ARL8B: variants seen among roughly 807,000 people sequenced by gnomAD.
ARL8B encodes ADP-ribosylation factor-like protein 8B.
Under a neutral mutation model 30.6 loss-of-function variants are expected in ARL8B, and 9 were observed. The ratio of observed to expected loss-of-function variants is 0.29; its 90% CI spans 0.18 to 0.51. ARL8B has a LOEUF of 0.51. ARL8B is among the 20% of genes least tolerant of loss of function. The pLI, the probability that ARL8B is intolerant of heterozygous loss-of-function variation, is 0.97. For synonymous variants in ARL8B, 74 were observed against 76.0 expected, an observed-to-expected ratio of 0.97 and a Z score of 0.14; for missense variants, 130 against 227.2, an observed-to-expected ratio of 0.57 and a Z score of 2.75.
Position 5,122,459 on chromosome 3 carries a change from C to T in ARL8B, c.-7C>T. On this transcript the variant is annotated 5_prime_UTR_variant, in exon 1 of 7. Transcript: ENST00000256496. ...CCTCCCGTCCGTTCTCGCTCCCGGC[C>T]GCCATCATGCTGGCGCTCATCTCCC... is the stretch of plus-strand genomic sequence containing the variant. 1 of 1,612,840 alleles carries T rather than the reference C, an allele frequency of 6.2e-7. No homozygotes were observed.
At chr3:5,176,996 G>A (rs1037993768) in intron 6 of ARL8B, among the ~76,000 whole-genome samples, 4 of 152,164 alleles carry the variant, frequency 2.6e-5, no homozygotes, top group African/African-American at 7.2e-5. Context: ...AATGTCAGTT[G>A]TGGCAAGGTT....
rs1362192821 is a variant in ARL8B at position 5,141,726 on chromosome 3, C to A, written c.123+19138C>A. 2.0e-5 allele frequency among the ~76,000 whole-genome samples: 3 copies of A among 152,176 alleles called. No homozygotes were observed. The East Asian group carries it at 5.8e-4, about 29-fold the overall frequency. ...TGTTGGGAATGAAAGTATAACGTTTCCCACCCAGCATAACACTTACACCCC... is the reference window on the plus strand; with the variant it reads ...TGTTGGGAATGAAAGTATAACGTTTACCACCCAGCATAACACTTACACCCC... On this transcript the variant is annotated intron_variant, in intron 1 of 6. Transcript: ENST00000256496.
intron 1 of ARL8B, among the ~76,000 whole-genome samples, chr3:5,143,085 C>G (rs1480099493): frequency 1.3e-5 from 2 of 152,206 alleles, no homozygotes; most frequent in Non-Finnish European, 2.9e-5. Flanking sequence ...TGTTTATTCA[C>G]TTGTGAGAAC....
At chr3:5,156,916 A>G (rs375215715) in intron 1 of ARL8B, 1 of 151,292 alleles carries the variant, frequency 6.6e-6, no homozygotes, top group African/African-American at 2.4e-5. Context: ...ATGATTCTTC[A>G]TATGTTCAGT....
In ARL8B at chr3:5,138,646, A is replaced by G. The variant is rs1001830520; in HGVS notation, c.123+16058A>G. ...AGCATTCCTGTCACTCCAACTTCTT[A>G]CTGCGCTTACTGCACCTGCCACACT... On this transcript the variant is annotated intron_variant, in intron 1 of 6. Transcript: ENST00000256496. Among the ~76,000 whole-genome samples the G allele has an allele frequency of 4.6e-5, 7 of 152,158 alleles. No individual in the cohort carries two copies. The South Asian group carries it at 8.3e-4, about 18-fold the overall frequency.
At chr3:5,144,494 C>A (rs1360229396) in intron 1 of ARL8B, among the ~76,000 whole-genome samples, 1 of 152,204 alleles carries the variant, frequency 6.6e-6, no homozygotes, top group African/African-American at 2.4e-5. Context: ...CCTGGGGTCC[C>A]CATTGACTCC....
chr3:5,122,494 A>G lies in ARL8B; in HGVS notation c.29A>G (p.Asp10Gly). 5 of 1,613,562 alleles carry G rather than the reference A, an allele frequency of 3.1e-6. No homozygotes were observed. Among genetic ancestry groups the G allele is most frequent in the Non-Finnish European group, 3.4e-6 (4 of 1,179,746 alleles). Reference sequence around the variant, plus strand: ...CTGGCGCTCATCTCCCGCCTGCTGGACTGGTTCCGTTCGCTCTTCTGGAAG... The same window carrying G: ...CTGGCGCTCATCTCCCGCCTGCTGGGCTGGTTCCGTTCGCTCTTCTGGAAG... MLALISRLL[D>G]WFRSLFWKEE... Residue 10 changes from aspartate to glycine, a missense_variant, in exon 1 of 7, where the codon GAC (aspartate) becomes GGC (glycine). Transcript: ENST00000256496.
At chr3:5,146,598 T>G (rs2054420965) in intron 1 of ARL8B, among the ~76,000 whole-genome samples, 1 of 152,170 alleles carries the variant, frequency 6.6e-6, no homozygotes, top group East Asian at 1.9e-4. Flanking sequence ...TAGGGATTAT[T>G]TTGTCTTTCT....
chr3:5,152,321 T>G (rs1419189665), intron 1 of ARL8B, among the ~76,000 whole-genome samples: 2 of 152,238 alleles, frequency 1.3e-5, no homozygotes, highest in African/African-American at 4.8e-5. Context: ...CCTTTTATTA[T>G]GTAATGTCCC....
intron 1 of ARL8B, among the ~76,000 whole-genome samples, chr3:5,133,558 C>T (rs1479888537): frequency 3.9e-5 from 6 of 152,058 alleles, no homozygotes; most frequent in African/African-American, 1.4e-4. Flanking sequence ...TATGGTTGTA[C>T]CATCAGCAAA....
chr3:5,134,288 G>A (rs1207533003), intron 1 of ARL8B, among the ~76,000 whole-genome samples: 1 of 152,180 alleles, frequency 6.6e-6, no homozygotes, highest in Non-Finnish European at 1.5e-5. Context: ...TTGCTGTTGG[G>A]CTATCTTGAT....
chr3:5,148,871 G>A (rs1224593240), intron 1 of ARL8B, among the ~76,000 whole-genome samples: 1 of 152,132 alleles, frequency 6.6e-6, no homozygotes, highest in East Asian at 1.9e-4. Context: ...GGACTATCTG[G>A]GGGAATGTCA....
intron 1 of ARL8B, among the ~76,000 whole-genome samples, chr3:5,132,763 T>C (rs963950011): frequency 6.6e-6 from 1 of 152,132 alleles, no homozygotes; most frequent in Non-Finnish European, 1.5e-5. Context: ...GTGCAAGGCA[T>C]TGTGATAGAT....
In ARL8B at chr3:5,122,510, C is replaced by G. The variant is rs751884170; in HGVS notation, c.45C>G (p.Leu15=). 6.2e-7 allele frequency: 1 copy of G among 1,613,712 alleles called. No homozygotes were observed. Among genetic ancestry groups the G allele is most frequent in the African/African-American group, 1.3e-5 (1 of 75,040 alleles). The part of the protein sequence containing the change: ...ISRLLDWFRS[L]FWKEEMELTL... ...GCCTGCTGGACTGGTTCCGTTCGCTCTTCTGGAAGGAAGAGATGGAGCTGA... is the reference window on the plus strand; with the variant it reads ...GCCTGCTGGACTGGTTCCGTTCGCTGTTCTGGAAGGAAGAGATGGAGCTGA... The change falls in exon 1 of 7, where the codon CTC becomes CTG. Residue 15 remains leucine (L), a synonymous_variant. Coordinates refer to ENST00000256496, the MANE Select transcript of ARL8B (RefSeq NM_018184.3).
At chr3:5,177,459 CTTT>C (rs781220638) in intron 6 of ARL8B, among the ~76,000 whole-genome samples, 17 of 139,242 alleles carry the variant, frequency 1.2e-4, no homozygotes, top group Admixed American at 3.6e-4. Context: ...TAGTGAATTT[CTTT>C]TTTTTTTTTT....
chr3:5,172,141 G>C lies in ARL8B; in HGVS notation c.205-9G>C, dbSNP rs983803728. ...TCTTTATTAAGAATTGCCTTGTTTT[G>C]ATTTAAAGATCTGGGACATAGGAGG... is the stretch of plus-strand genomic sequence containing the variant. On this transcript the variant is annotated splice_polypyrimidine_tract_variant and intron_variant, in intron 2 of 6. Transcript: ENST00000256496. 2.5e-6 allele frequency: 4 copies of C among 1,609,818 alleles called. No individual in the cohort carries two copies. In the African/African-American group the frequency reaches 5.4e-5, roughly 22 times the overall value.
In ARL8B at chr3:5,172,756, T is replaced by C; in HGVS notation, c.372+16T>C. ...AGGAATTCCAGTAAGTATGGAATACTTGTTATTTTACATTGTAATTATATA... is the reference window on the plus strand; with the variant it reads ...AGGAATTCCAGTAAGTATGGAATACCTGTTATTTTACATTGTAATTATATA... On this transcript the variant is annotated intron_variant, in intron 4 of 6. Transcript: ENST00000256496. 2 of 1,414,774 alleles carry C rather than the reference T, an allele frequency of 1.4e-6. No homozygotes were observed. The highest frequency in any genetic ancestry group is 2.0e-6 in the Non-Finnish European group (2 of 1,007,378). 87.6% of individuals were successfully genotyped at this position (1,414,774 alleles called of 1,614,324 possible).
chr3:5,144,882 C>T (rs2054404778), intron 1 of ARL8B, among the ~76,000 whole-genome samples: 3 of 152,202 alleles, frequency 2.0e-5, no homozygotes, highest in Admixed American at 2.0e-4. Context: ...AGGCCCTGCA[C>T]TGTCCAGATT....
At position 5,179,553 on chromosome 3, in the gene ARL8B, A is replaced by G. The variant is rs2054759511; in HGVS notation, c.*840A>G. The G allele has an allele frequency of 1.3e-5, 2 of 152,650 alleles. No homozygotes were observed. The highest frequency in any genetic ancestry group is 2.9e-5 in the Non-Finnish European group (2 of 68,034). The allele number at this position is 152,650 out of a possible 1,614,324, so 9.5% of individuals were successfully genotyped here. A position where few individuals can be genotyped will look rare whatever the true frequency, so the allele number is the denominator to read the frequency against. ...TCATGAATTTAGAGCATTCCACCCA[A>G]TATAATAAAACCTGTTAAGAATGTC... On this transcript the variant is annotated 3_prime_UTR_variant, in exon 7 of 7. Coordinates refer to ENST00000256496, the MANE Select transcript of ARL8B (RefSeq NM_018184.3).
Sources: allele counts gnomAD v4.1 joint callset (sites outside exome capture counted in the v4.1 genomes callset), GRCh38; gene constraint gnomAD v4.1.1; transcripts MANE v1.5; gene names NCBI Gene and HGNC (gene_info 2026-07-23, HGNC 2026-07-21).